The following EPHB2 variants were observed in gnomAD, a reference collection of about 807,000 sequenced individuals.
EPHB2 encodes EPH receptor B2.
A neutral mutation model predicts 96.4 loss-of-function variants in EPHB2; 18 were observed. That is an observed-to-expected ratio of 0.19 (90% CI 0.13 to 0.28). EPHB2 has a LOEUF of 0.28. Ranked by LOEUF, EPHB2 falls within the 10% of genes least tolerant of loss-of-function variation. EPHB2 has a pLI of 1.00. For missense variants in EPHB2, 989 were observed against 1,355.4 expected (o/e 0.73, Z 4.25); for synonymous variants, 506 against 534.1 (o/e 0.95, Z 0.72).
intron 3 of EPHB2, among the ~76,000 whole-genome samples, chr1:22,792,773 C>T (rs1390876481): frequency 6.6e-6 from 1 of 152,222 alleles, no homozygotes; most frequent in Non-Finnish European, 1.5e-5. Context: ...TGACCCCTGC[C>T]CCCAAGGCCC....
chr1:22,832,120 G>A (rs766477253), intron 3 of EPHB2, among the ~76,000 whole-genome samples: 14 of 152,282 alleles, frequency 9.2e-5, no homozygotes, highest in Non-Finnish European at 2.1e-4. Flanking sequence ...GAGCCAGAAA[G>A]TAGGGACAAG....
chr1:22,854,696 C>G (rs1382902000), intron 3 of EPHB2, among the ~76,000 whole-genome samples: 1 of 152,180 alleles, frequency 6.6e-6, no homozygotes, highest in African/African-American at 2.4e-5. Flanking sequence ...AGGCTCCTGG[C>G]CCAGCACTGG....
At chr1:22,827,526 C>A (rs905257951) in intron 3 of EPHB2, among the ~76,000 whole-genome samples, 2 of 152,236 alleles carry the variant, frequency 1.3e-5, no homozygotes, top group African/African-American at 2.4e-5. Flanking sequence ...TGACTGCTAA[C>A]CAGCCAGTGA....
chr1:22,884,619 C>CAA (rs10599403), intron 6 of EPHB2, among the ~76,000 whole-genome samples: 67 of 86,876 alleles, frequency 7.7e-4, no homozygotes, highest in Non-Finnish European at 1.0e-3. Context: ...GATGCTGTCT[C>CAA]AAAAAAAAAA....
chr1:22,913,937 T>C lies in EPHB2; in HGVS notation c.*367T>C. ...CAAAAGCAGTTTCTCTCCAACTCCC[T>C]CTGGGAAGGTGACCTGGCCAGAGCC... On this transcript the variant is annotated 3_prime_UTR_variant, in exon 16 of 16. Coordinates refer to ENST00000374630, the MANE Select transcript of EPHB2 (RefSeq NM_017449.5). This position sits in a 1 kb window ranked among gnomAD's most constrained non-coding sequence, Gnocchi z 4.1. The C allele has an allele frequency of 6.7e-7, 1 of 1,482,008 alleles. No individual in the cohort carries two copies. The highest frequency in any genetic ancestry group is 9.0e-7 in the Non-Finnish European group (1 of 1,116,610). The allele number at this position is 1,482,008 out of a possible 1,614,324, so 91.8% of individuals were successfully genotyped here. A position where few individuals can be genotyped will look rare whatever the true frequency, so the allele number is the denominator to read the frequency against.
At chr1:22,886,185 A>G (rs1262323717) in intron 6 of EPHB2, among the ~76,000 whole-genome samples, 10 of 152,236 alleles carry the variant, frequency 6.6e-5, no homozygotes, top group Non-Finnish European at 1.5e-4. Flanking sequence ...TGAGTCTTGA[A>G]AGATGCTAGG....
At chr1:22,834,772 A>G (rs1028939397) in intron 3 of EPHB2, among the ~76,000 whole-genome samples, 6 of 152,008 alleles carry the variant, frequency 3.9e-5, no homozygotes, top group Admixed American at 3.3e-4. Context: ...CAAAAAATAC[A>G]AAAAGTAGCC....
chr1:22,910,864 G>C (rs923572334), intron 14 of EPHB2, among the ~76,000 whole-genome samples: 1 of 152,238 alleles, frequency 6.6e-6, no homozygotes, highest in African/African-American at 2.4e-5. Flanking sequence ...AAGGCCGGGA[G>C]AGATGGCTCA....
chr1:22,711,644 CG>C (rs1478789745), intron 1 of EPHB2, among the ~76,000 whole-genome samples: 1 of 151,978 alleles, frequency 6.6e-6, no homozygotes, highest in African/African-American at 2.4e-5. Context: ...GTCCCCTCCC[CG>C]AGAGGACTGC....
intron 6 of EPHB2, among the ~76,000 whole-genome samples, chr1:22,889,508 G>C (rs536355580): frequency 6.6e-6 from 1 of 152,188 alleles, no homozygotes; most frequent in East Asian, 1.9e-4. Flanking sequence ...AACACTTACT[G>C]TGTGGCAAAC....
intron 1 of EPHB2, among the ~76,000 whole-genome samples, chr1:22,730,320 C>T (rs1027360702): frequency 1.3e-5 from 2 of 152,220 alleles, no homozygotes; most frequent in Non-Finnish European, 2.9e-5. Context: ...GGCCCTTCCC[C>T]CACTTCTTGT....
At chr1:22,901,804 C>CGTGTGTGTATGTGTGA (rs1553176869) in intron 9 of EPHB2, among the ~76,000 whole-genome samples, 1 of 109,232 alleles carries the variant, frequency 9.2e-6, no homozygotes, top group African/African-American at 3.7e-5. Flanking sequence ...CATTTAACTT[C>CGTGTGTGTATGTGTGA]GTGTGTGTGT....
intron 1 of EPHB2, among the ~76,000 whole-genome samples, chr1:22,717,967 A>T (rs1235977656): frequency 6.6e-6 from 1 of 152,136 alleles, no homozygotes; most frequent in Non-Finnish European, 1.5e-5. Flanking sequence ...GTTGTGAGCA[A>T]TGGATGTGTT....
At chr1:22,742,143 C>G (rs922811638) in intron 1 of EPHB2, among the ~76,000 whole-genome samples, 1 of 152,304 alleles carries the variant, frequency 6.6e-6, no homozygotes, top group Admixed American at 6.5e-5. Flanking sequence ...CCATCCACAT[C>G]ATCCTCCTGG....
At chr1:22,828,641 G>A (rs1345326941) in intron 3 of EPHB2, among the ~76,000 whole-genome samples, 3 of 152,166 alleles carry the variant, frequency 2.0e-5, no homozygotes, top group African/African-American at 2.4e-5. Flanking sequence ...CACAGTCACC[G>A]CCTGTCACGG....
intron 14 of EPHB2, 125 bp downstream of exon 14, chr1:22,910,700 T>A: frequency 8.0e-7 from 1 of 1,251,660 alleles, no homozygotes; most frequent in Non-Finnish European, 1.1e-6. Context: ...AGGACAGGAC[T>A]AGTGTTTATT....
intron 1 of EPHB2, among the ~76,000 whole-genome samples, chr1:22,743,990 G>T (rs1373682866): frequency 6.6e-6 from 1 of 152,166 alleles, no homozygotes; most frequent in Non-Finnish European, 1.5e-5. Context: ...TTCTAACAAA[G>T]AGTTTATAAT....
chr1:22,711,685 G>A (rs935039), intron 1 of EPHB2, among the ~76,000 whole-genome samples: 1,716 of 152,114 alleles, frequency 0.011, 38 homozygotes, highest in African/African-American at 0.038. Context: ...GCATCTCTCC[G>A]CCGCGCAAGG....
intron 3 of EPHB2, among the ~76,000 whole-genome samples, chr1:22,791,509 T>C (rs1360622707): frequency 6.8e-6 from 1 of 147,302 alleles, no homozygotes; most frequent in Non-Finnish European, 1.5e-5. Flanking sequence ...AGAGACAGGA[T>C]CTCACTATGT....
Sources: allele counts gnomAD v4.1 joint callset (sites outside exome capture counted in the v4.1 genomes callset), GRCh38; gene constraint gnomAD v4.1.1; non-coding constraint Gnocchi (gnomAD v3.1); transcripts MANE v1.5; gene names NCBI Gene and HGNC (gene_info 2026-07-23, HGNC 2026-07-21).